Variants in DTX1 observed in about 807,000 individuals in gnomAD.
The protein encoded by DTX1 is deltex E3 ubiquitin ligase 1.
A neutral mutation model predicts 57.8 loss-of-function variants in DTX1; 26 were observed. The ratio of observed to expected loss-of-function variants is 0.45; its 90% CI spans 0.33 to 0.62. The LOEUF is 0.62. Ranked by LOEUF, DTX1 falls within the 20% of genes least tolerant of loss-of-function variation. DTX1 has a pLI of 0.02. For synonymous variants in DTX1, 398 were observed against 394.1 expected, an observed-to-expected ratio of 1.01 and a Z score of -0.12; for missense variants, 704 against 895.3, an observed-to-expected ratio of 0.79 and a Z score of 2.73.
intron 2 of DTX1, among the ~76,000 whole-genome samples, chr12:113,070,257 T>C (rs528237092): frequency 6.6e-6 from 1 of 152,348 alleles, no homozygotes; most frequent in East Asian, 1.9e-4. Flanking sequence ...TTATGACTTC[T>C]GGGTTGGTGA....
At position 113,093,147 on chromosome 12, in the gene DTX1, C is replaced by T; in HGVS notation, c.942-15C>T. On this transcript the variant is annotated splice_polypyrimidine_tract_variant and intron_variant, in intron 3 of 9. Transcript: ENST00000548759. This position sits in a 1 kb window ranked among gnomAD's most constrained non-coding sequence, Gnocchi z 4.2. ...GGCTGGAGTCCAGCTGCGGCCTCTTCTCTTCTCCCCGCAGGGTCCCCGCAC... is the reference window on the plus strand; with the variant it reads ...GGCTGGAGTCCAGCTGCGGCCTCTTTTCTTCTCCCCGCAGGGTCCCCGCAC... 1 of 1,586,464 alleles carries T rather than the reference C, an allele frequency of 6.3e-7. No individual in the cohort carries two copies. The highest frequency in any genetic ancestry group is 8.6e-7 in the Non-Finnish European group (1 of 1,166,418).
intron 3 of DTX1, among the ~76,000 whole-genome samples, chr12:113,086,767 A>T (rs2136063951): frequency 6.6e-6 from 1 of 152,234 alleles, no homozygotes; most frequent in South Asian, 2.1e-4. Context: ...TGAAAATGTT[A>T]AAGTACTGAC....
At chr12:113,067,191 G>A (rs936663821) in intron 2 of DTX1, among the ~76,000 whole-genome samples, 13 of 152,050 alleles carry the variant, frequency 8.5e-5, no homozygotes, top group African/African-American at 2.2e-4. Context: ...CCCGATGACC[G>A]ACTGGGCCTT....
At chr12:113,062,383 A>T (rs1419490618) in intron 2 of DTX1, among the ~76,000 whole-genome samples, 1 of 152,174 alleles carries the variant, frequency 6.6e-6, no homozygotes, top group Non-Finnish European at 1.5e-5. Flanking sequence ...TTCTAATCAA[A>T]CTAGTTGTGG....
chr12:113,078,298 A>G (rs535642072), intron 3 of DTX1, among the ~76,000 whole-genome samples, 193 bp downstream of exon 3: 3 of 152,278 alleles, frequency 2.0e-5, no homozygotes, highest in African/African-American at 4.8e-5. Context: ...CCACACATCT[A>G]TCTCCATGCA....
rs201111193 is a variant in DTX1 at position 113,077,677 on chromosome 12, C to T, written c.513C>T (p.Arg171=). The T allele has an allele frequency of 4.0e-4, 628 of 1,566,968 alleles. 5 individuals are homozygous for T. In the African/African-American group the frequency reaches 7.6e-3, roughly 19 times the overall value. The change falls in exon 3 of 10, where the codon CGC becomes CGT. Residue 171 remains arginine (R), a synonymous_variant. Transcript: ENST00000548759. This position sits in a 1 kb window ranked among gnomAD's most constrained non-coding sequence, Gnocchi z 7.8. ...RQTRRRRRLR[R]RLDLAYPLTV... is the part of the protein sequence containing the mutation. ...CGCGCCGGCGCCGCCGCCTGCGCCG[C>T]CGCCTGGACCTCGCCTACCCGCTCA...
chr12:113,069,703 C>T (rs181861204), intron 2 of DTX1, among the ~76,000 whole-genome samples: 1 of 152,256 alleles, frequency 6.6e-6, no homozygotes, highest in East Asian at 1.9e-4. Flanking sequence ...CTTAGGGAGC[C>T]TCAGTCTCCC....
intron 2 of DTX1, among the ~76,000 whole-genome samples, chr12:113,074,967 G>A (rs555967552): frequency 6.6e-6 from 1 of 152,294 alleles, no homozygotes; most frequent in Admixed American, 6.5e-5. Context: ...GGAGAGCAGA[G>A]CTGAGTTCAA....
rs777866361 is a variant in DTX1, at chr12:113,095,360, C to A, written c.1584C>A (p.Thr528=). ...PEHPNPGKKF[T]ARGFPRHCYL... ...ACCCCAACCCCGGGAAGAAGTTCACCGCAAGAGGATTCCCTCGCCACTGCT... is the reference window on the plus strand; with the variant it reads ...ACCCCAACCCCGGGAAGAAGTTCACAGCAAGAGGATTCCCTCGCCACTGCT... The change falls in exon 9 of 10, where the codon ACC becomes ACA. Residue 528 remains threonine (T), a synonymous_variant. Coordinates refer to ENST00000548759, the MANE Select transcript of DTX1 (RefSeq NM_004416.3). 5 of 1,614,208 alleles carry A rather than the reference C, an allele frequency of 3.1e-6. No individual in the cohort carries two copies. The South Asian group carries it at 5.5e-5, about 18-fold the overall frequency.
intron 3 of DTX1, among the ~76,000 whole-genome samples, chr12:113,092,080 T>C (rs1042986840): frequency 6.6e-6 from 1 of 152,232 alleles, no homozygotes; most frequent in Admixed American, 6.5e-5. Flanking sequence ...ATAAGGTAAC[T>C]GAGGATCAAG....
intron 3 of DTX1, among the ~76,000 whole-genome samples, chr12:113,086,912 C>T (rs1014744915): frequency 1.4e-5 from 2 of 148,142 alleles, no homozygotes; most frequent in African/African-American, 5.0e-5. Flanking sequence ...ACCAAACACT[C>T]CCCCCACCCT....
Position 113,058,343 on chromosome 12 carries a change from G to T in DTX1, c.151G>T (p.Val51Leu). ...TATVCHHIEN[V>L]LKEDARGSVV... The stretch of plus-strand genomic sequence containing the variant: ...CACCGTGTGCCACCACATTGAGAAC[G>T]TGCTGAAGGAGGACGCTCGCGGTTC... The change falls in exon 2 of 10, where the codon GTG (valine) becomes TTG (leucine). Residue 51 changes from valine to leucine, a missense_variant. By Grantham distance (32) the Val-to-Leu change is conservative. Coordinates refer to ENST00000548759, the MANE Select transcript of DTX1 (RefSeq NM_004416.3). The T allele has an allele frequency of 6.2e-7, 1 of 1,613,558 alleles. No homozygotes were observed. Among genetic ancestry groups the T allele is most frequent in the Non-Finnish European group, 8.5e-7 (1 of 1,180,030 alleles).
At chr12:113,079,485 C>T (rs1012667277) in intron 3 of DTX1, among the ~76,000 whole-genome samples, 5 of 147,606 alleles carry the variant, frequency 3.4e-5, no homozygotes, top group African/African-American at 1.0e-4. Context: ...GTCTGACTTC[C>T]TGGGTTCGAA....
At chr12:113,082,656 C>T (rs755979668) in intron 3 of DTX1, among the ~76,000 whole-genome samples, 1 of 152,128 alleles carries the variant, frequency 6.6e-6, no homozygotes, top group Non-Finnish European at 1.5e-5. Flanking sequence ...AGTACAGTGG[C>T]GCAATCACAG....
At chr12:113,066,252 G>C (rs2136425377) in intron 2 of DTX1, among the ~76,000 whole-genome samples, 1 of 151,008 alleles carries the variant, frequency 6.6e-6, no homozygotes, top group African/African-American at 2.5e-5. Flanking sequence ...GTGTAGGCCG[G>C]GTGTGGTGGC....
At chr12:113,079,442 A>G (rs1642470367) in intron 3 of DTX1, among the ~76,000 whole-genome samples, 1 of 149,282 alleles carries the variant, frequency 6.7e-6, no homozygotes, top group Non-Finnish European at 1.5e-5. Flanking sequence ...ACCCTGAACT[A>G]GGTGGCCCTA....
At chr12:113,059,299 G>C (rs961271787) in intron 2 of DTX1, among the ~76,000 whole-genome samples, 1 of 152,126 alleles carries the variant, frequency 6.6e-6, no homozygotes, top group African/African-American at 2.4e-5. Flanking sequence ...GCTGGAAGTG[G>C]TGTGATGGGG....
intron 2 of DTX1, among the ~76,000 whole-genome samples, chr12:113,069,927 G>A (rs1285738242): frequency 6.6e-6 from 1 of 152,162 alleles, no homozygotes; most frequent in African/African-American, 2.4e-5. Flanking sequence ...TAGCAATCCA[G>A]GGTTGGAACC....
At chr12:113,058,752 T>C (rs576362871) in intron 2 of DTX1, among the ~76,000 whole-genome samples, 1 of 152,356 alleles carries the variant, frequency 6.6e-6, no homozygotes, top group East Asian at 1.9e-4. Context: ...AATAAAATTG[T>C]GCTCACTGAG....
Sources: allele counts gnomAD v4.1 joint callset (sites outside exome capture counted in the v4.1 genomes callset), GRCh38; gene constraint gnomAD v4.1.1; non-coding constraint Gnocchi (gnomAD v3.1); transcripts MANE v1.5; gene names NCBI Gene and HGNC (gene_info 2026-07-23, HGNC 2026-07-21).